Variants in CD38 observed in about 807,000 individuals in gnomAD.
CD38 encodes ADP-ribosyl cyclase/cyclic ADP-ribose hydrolase 1.
In CD38, 31 loss-of-function variants were observed where a neutral mutation model predicts 36.3. The observed-to-expected ratio is 0.85, with a 90% CI of 0.64 to 1.15. CD38 has a LOEUF of 1.15. Among genes scored for constraint, CD38 ranks in the 50% most tolerant of loss-of-function variants. CD38 has a pLI of 0.00. For synonymous variants in CD38, 131 were observed against 135.2 expected (o/e 0.97, Z 0.22); for missense variants, 380 against 371.9 (o/e 1.02, Z -0.18).
At chr4:15,830,727 A>G (rs1723942780) in intron 3 of CD38, among the ~76,000 whole-genome samples, 1 of 152,098 alleles carries the variant, frequency 6.6e-6, no homozygotes, top group African/African-American at 2.4e-5. Context: ...CAGTAGTTTC[A>G]TAGTTTGAGG....
At chr4:15,804,144 A>G (rs879820039) in intron 1 of CD38, among the ~76,000 whole-genome samples, 1 of 152,102 alleles carries the variant, frequency 6.6e-6, no homozygotes, top group Non-Finnish European at 1.5e-5. Context: ...TTTTTGGTAG[A>G]ACAATTTATT....
chr4:15,797,130 G>A (rs1723119198), intron 1 of CD38, among the ~76,000 whole-genome samples: 2 of 152,050 alleles, frequency 1.3e-5, no homozygotes, highest in Non-Finnish European at 2.9e-5. Context: ...CAAATTTTCT[G>A]ATTTTTGCTG....
At chr4:15,848,326 G>A (rs770560340) in intron 7 of CD38, among the ~76,000 whole-genome samples, 15 of 152,222 alleles carry the variant, frequency 9.9e-5, no homozygotes, top group Non-Finnish European at 5.9e-5. Context: ...GTGGGGGTCC[G>A]TGGCCTTGGT....
At chr4:15,782,781 C>G (rs1722727048) in intron 1 of CD38, among the ~76,000 whole-genome samples, 1 of 152,136 alleles carries the variant, frequency 6.6e-6, no homozygotes, top group South Asian at 2.1e-4. Context: ...CTCACTGTTC[C>G]TTTTCCTTGG....
intron 1 of CD38, among the ~76,000 whole-genome samples, chr4:15,806,042 G>A (rs1723333402): frequency 6.6e-6 from 1 of 152,184 alleles, no homozygotes; most frequent in Non-Finnish European, 1.5e-5. Flanking sequence ...TTAATTGATG[G>A]GGACTTTGAA....
chr4:15,792,265 G>C (rs1261056112), intron 1 of CD38, among the ~76,000 whole-genome samples: 1 of 115,164 alleles, frequency 8.7e-6, no homozygotes, highest in African/African-American at 4.1e-5. Flanking sequence ...CTAATCTCAA[G>C]TACCCAGGGA....
At chr4:15,805,111 T>C (rs922057183) in intron 1 of CD38, among the ~76,000 whole-genome samples, 1 of 152,196 alleles carries the variant, frequency 6.6e-6, no homozygotes, top group Admixed American at 6.5e-5. Context: ...CGTAGGAAGC[T>C]TATATATTCT....
At chr4:15,779,840 A>G (rs1005653132) in intron 1 of CD38, among the ~76,000 whole-genome samples, 1 of 152,182 alleles carries the variant, frequency 6.6e-6, no homozygotes, top group African/African-American at 2.4e-5. Flanking sequence ...AGATCTTTCA[A>G]TGTGAGTACA....
At chr4:15,790,693 G>A (rs1195075786) in intron 1 of CD38, among the ~76,000 whole-genome samples, 1 of 151,698 alleles carries the variant, frequency 6.6e-6, no homozygotes, top group Non-Finnish European at 1.5e-5. Flanking sequence ...AGGGTGAGGA[G>A]CGTCTCTGCC....
At chr4:15,786,286 T>C (rs1722827620) in intron 1 of CD38, among the ~76,000 whole-genome samples, 1 of 152,216 alleles carries the variant, frequency 6.6e-6, no homozygotes, top group Admixed American at 6.5e-5. Flanking sequence ...GATTGGTTCA[T>C]TTTACAGAGG....
At chr4:15,788,398 C>G (rs557051590) in intron 1 of CD38, among the ~76,000 whole-genome samples, 1 of 152,190 alleles carries the variant, frequency 6.6e-6, no homozygotes, top group African/African-American at 2.4e-5. Flanking sequence ...GTTATCCGCC[C>G]CCAGGAAGAT....
At chr4:15,815,047 T>C (rs6414770) in intron 1 of CD38, among the ~76,000 whole-genome samples, 37,030 of 151,890 alleles carry the variant, frequency 0.24, 7,214 homozygotes, top group African/African-American at 0.55. Flanking sequence ...CCTCATGATC[T>C]GCCTGCCTCA....
At chr4:15,836,944 A>G (rs969125930) in intron 4 of CD38, among the ~76,000 whole-genome samples, 1 of 152,222 alleles carries the variant, frequency 6.6e-6, no homozygotes, top group Non-Finnish European at 1.5e-5. Flanking sequence ...CAATGTTTAA[A>G]TGAGATACCA....
chr4:15,786,293 G>C (rs1449505602), intron 1 of CD38, among the ~76,000 whole-genome samples: 2 of 152,204 alleles, frequency 1.3e-5, no homozygotes, highest in Non-Finnish European at 2.9e-5. Flanking sequence ...TCATTTTACA[G>C]AGGGCTGATT....
At chr4:15,819,780 G>A (rs1723690991) in intron 2 of CD38, among the ~76,000 whole-genome samples, 5 of 152,216 alleles carry the variant, frequency 3.3e-5, no homozygotes, top group Admixed American at 3.3e-4. Flanking sequence ...TGGGGTACCT[G>A]AAAGAGACAG....
chr4:15,817,897 GC>G (rs910555145), intron 2 of CD38, among the ~76,000 whole-genome samples: 1 of 152,108 alleles, frequency 6.6e-6, no homozygotes, highest in African/African-American at 2.4e-5. Flanking sequence ...CACCACCAGG[GC>G]CCTGGGTTTC....
In CD38 at chr4:15,841,779, G is replaced by A. The variant is rs1008580269; in HGVS notation, c.839+1241G>A. On this transcript the variant is annotated intron_variant, in intron 7 of 7. Transcript: ENST00000226279. The stretch of plus-strand genomic sequence containing the variant: ...CAAGGGGTCAGGGAGTTCCCTTTCC[G>A]AGTCAAAGAAAGGGGTGACGGACGC... Among the ~76,000 whole-genome samples the A allele has an allele frequency of 9.0e-5, 13 of 144,466 alleles. No individual in the cohort carries two copies. The South Asian group carries it at 9.1e-4, about 10-fold the overall frequency. 94.8% of individuals were successfully genotyped at this position (144,466 alleles called of 152,430 possible).
At chr4:15,801,668 C>T (rs559690150) in intron 1 of CD38, among the ~76,000 whole-genome samples, 1 of 152,160 alleles carries the variant, frequency 6.6e-6, no homozygotes, top group African/African-American at 2.4e-5. Flanking sequence ...TAATACATCC[C>T]ATCAACGGAA....
At position 15,805,041 on chromosome 4, in the gene CD38, C is replaced by CA. The variant is rs1444778722; in HGVS notation, c.234-11468dup. On this transcript the variant is annotated intron_variant, in intron 1 of 7. Coordinates refer to ENST00000226279, the MANE Select transcript of CD38 (RefSeq NM_001775.4). ...TGTCACTTCACCCCATAAATATGTG[C>CA]AATTACATGTCATTTAAAAGTGATA... 2.6e-5 allele frequency among the ~76,000 whole-genome samples: 4 copies of CA among 152,052 alleles called. No individual in the cohort carries two copies. In the East Asian group the frequency reaches 7.7e-4, roughly 29 times the overall value.
Sources: allele counts gnomAD v4.1 joint callset (sites outside exome capture counted in the v4.1 genomes callset), GRCh38; gene constraint gnomAD v4.1.1; transcripts MANE v1.5; gene names NCBI Gene and HGNC (gene_info 2026-07-23, HGNC 2026-07-21).